LATS2: variants seen among roughly 807,000 people sequenced by gnomAD.
LATS2 encodes the protein serine/threonine-protein kinase LATS2.
LATS2 carries 24 observed loss-of-function variants against 76.0 expected under a neutral mutation model. The observed-to-expected ratio is 0.32, with a 90% CI of 0.23 to 0.44. The LOEUF (loss-of-function observed/expected upper bound fraction) is 0.44. Among genes scored for constraint, LATS2 ranks in the 20% least tolerant of loss-of-function variants. The probability of loss-of-function intolerance (pLI) is 1.00; values close to 1 mark genes in which losing one functional copy is unlikely to be tolerated. For synonymous variants in LATS2, 692 were observed against 635.4 expected (o/e 1.09, Z -1.34); for missense variants, 1,286 against 1,481.2 (o/e 0.87, Z 2.16).
intron 5 of LATS2, among the ~76,000 whole-genome samples, chr13:20,982,583 T>A (rs764657352): frequency 3.9e-5 from 6 of 152,142 alleles, no homozygotes; most frequent in Middle Eastern, 6.8e-3. Context: ...AGTGCTAGGA[T>A]TACAGGCGTG....
chr13:21,027,062 A>G (rs1328343803), intron 2 of LATS2, among the ~76,000 whole-genome samples: 3 of 152,168 alleles, frequency 2.0e-5, no homozygotes, highest in African/African-American at 4.8e-5. Context: ...CCATTTTTAA[A>G]GGTTTGCCTT....
chr13:21,033,282 G>A (rs1207808200), intron 2 of LATS2, among the ~76,000 whole-genome samples: 1 of 152,102 alleles, frequency 6.6e-6, no homozygotes, highest in Non-Finnish European at 1.5e-5. Context: ...ATAGGGGGTA[G>A]AGGGGCGAGA....
rs377274695 is a variant in LATS2, at chr13:21,000,061, A to G, written c.343-8657T>C. Among the ~76,000 whole-genome samples, 19 of 152,070 alleles carry G rather than the reference A, an allele frequency of 1.2e-4. No homozygotes were observed. In the East Asian group the frequency reaches 1.9e-3, roughly 15 times the overall value. On this transcript the variant is annotated intron_variant, in intron 2 of 7. Coordinates refer to ENST00000382592, the MANE Select transcript of LATS2 (RefSeq NM_014572.3). The stretch of plus-strand genomic sequence containing the variant: ...ATAAAATAAAGAGCATTTTACAACT[A>G]TTGTTAGCACCAAAATAAAATAAAA...
chr13:21,019,046 C>T (rs1168493476), intron 2 of LATS2, among the ~76,000 whole-genome samples: 2 of 152,134 alleles, frequency 1.3e-5, no homozygotes, highest in African/African-American at 4.8e-5. Flanking sequence ...ACGTGGGAAC[C>T]AGACATCCTA....
Position 20,998,965 on chromosome 13 carries a change from C to A in LATS2, c.343-7561G>T, listed in dbSNP as rs1325874574. Among the ~76,000 whole-genome samples, 3 of 151,010 alleles carry A rather than the reference C, an allele frequency of 2.0e-5. No individual in the cohort carries two copies. The East Asian group carries it at 5.9e-4, about 29-fold the overall frequency. On this transcript the variant is annotated intron_variant, in intron 2 of 7. Coordinates refer to ENST00000382592, the MANE Select transcript of LATS2 (RefSeq NM_014572.3). The stretch of plus-strand genomic sequence containing the variant: ...CACACGGCGCAAGGGCCCTGGTGAC[C>A]TTTTCCACGACCTTGTCCACGCAGG...
intron 2 of LATS2, among the ~76,000 whole-genome samples, chr13:21,009,654 C>T (rs1344985226): frequency 6.6e-6 from 1 of 152,196 alleles, no homozygotes; most frequent in Non-Finnish European, 1.5e-5. Context: ...ATAACAATCA[C>T]AGCATAAGAA....
At chr13:21,040,662 G>C (rs1379802603) in intron 2 of LATS2, among the ~76,000 whole-genome samples, 1 of 152,118 alleles carries the variant, frequency 6.6e-6, no homozygotes, top group Non-Finnish European at 1.5e-5. Context: ...GGGAGCATGT[G>C]GGGAGGATAA....
In LATS2 at chr13:21,036,774, A is replaced by AAACAAC. The variant is rs147758795; in HGVS notation, c.342+8905_342+8910dup. On this transcript the variant is annotated intron_variant, in intron 2 of 7. Transcript: ENST00000382592. ...GGCGACAGAGCAAAACTCCGTCTCA[A>AAACAAC]AACAACAACAACAACAACAAAAAAC... is the stretch of plus-strand genomic sequence containing the variant. Among the ~76,000 whole-genome samples the AAACAAC allele has an allele frequency of 4.6e-5, 7 of 151,476 alleles. No individual in the cohort carries two copies. In the South Asian group the frequency reaches 1.5e-3, roughly 31 times the overall value.
chr13:21,019,668 CAAAAAAAA>C (rs1281059777), intron 2 of LATS2, among the ~76,000 whole-genome samples: 1 of 86,598 alleles, frequency 1.2e-5, no homozygotes, highest in African/African-American at 4.4e-5. Flanking sequence ...TTTAATCTCT[CAAAAAAAA>C]AAAAAAAAAA....
chr13:20,974,853 G>C lies in LATS2; in HGVS notation c.*17C>G. ...TGACCTGGGAGGCAGCGAGTGGTGG[G>C]GGTGCCTGGCCCCCATCTACACGTA... On this transcript the variant is annotated 3_prime_UTR_variant, in exon 8 of 8. Transcript: ENST00000382592. 1.9e-6 allele frequency: 3 copies of C among 1,587,370 alleles called. No homozygotes were observed. Among genetic ancestry groups the C allele is most frequent in the Non-Finnish European group, 2.6e-6 (3 of 1,165,952 alleles).
intron 7 of LATS2, among the ~76,000 whole-genome samples, chr13:20,978,962 A>G (rs1869749805): frequency 1.3e-5 from 2 of 152,216 alleles, no homozygotes; most frequent in South Asian, 4.1e-4. Context: ...GGGTTTCGCC[A>G]TGTTGCCCAG....
At chr13:21,012,250 C>A (rs1318832531) in intron 2 of LATS2, among the ~76,000 whole-genome samples, 2 of 151,876 alleles carry the variant, frequency 1.3e-5, no homozygotes, top group African/African-American at 2.4e-5. Context: ...ATGAATGGAG[C>A]CTGTAGGGAC....
chr13:21,007,750 ATATATATATAT>A (rs1871407395), intron 2 of LATS2, among the ~76,000 whole-genome samples: 1 of 6,174 alleles, frequency 1.6e-4, no homozygotes, highest in African/African-American at 5.7e-4. Context: ...ATATATATAT[ATATATATATAT>A]TTTTTTTTTT....
chr13:21,001,824 A>G (rs930319613), intron 2 of LATS2, among the ~76,000 whole-genome samples: 1 of 151,650 alleles, frequency 6.6e-6, no homozygotes, highest in African/African-American at 2.4e-5. Flanking sequence ...GGTTGCGGTG[A>G]GCCGAGACAG....
At chr13:21,029,797 GAA>G (rs576838167) in intron 2 of LATS2, among the ~76,000 whole-genome samples, 1 of 149,928 alleles carries the variant, frequency 6.7e-6, no homozygotes, top group Non-Finnish European at 1.5e-5. Context: ...TCTCAAAAAA[GAA>G]AAAAAAAGAT....
intron 7 of LATS2, among the ~76,000 whole-genome samples, chr13:20,975,566 G>A (rs1171289892): frequency 6.6e-6 from 1 of 152,238 alleles, no homozygotes; most frequent in African/African-American, 2.4e-5. Context: ...CTGAGGCCAG[G>A]ATGACCAGTC....
rs1421749934 is a variant in LATS2 at position 20,979,700 on chromosome 13, G to T, written c.2763C>A (p.Thr921=). 1 of 1,599,882 alleles carries T rather than the reference G, an allele frequency of 6.3e-7. No individual in the cohort carries two copies. Among genetic ancestry groups the T allele is most frequent in the Non-Finnish European group, 8.6e-7 (1 of 1,167,484 alleles). The part of the protein sequence containing the change: ...PPFLAPTPTE[T]QLKVINWENT... ...GTTCCTCTCACATTACCTTCAGCTG[G>T]GTTTCTGTGGGAGTAGGTGCCAAAA... Residue 921 remains threonine, a synonymous_variant, in exon 7 of 8, where the codon ACC becomes ACA. Coordinates refer to ENST00000382592, the MANE Select transcript of LATS2 (RefSeq NM_014572.3).
chr13:20,981,380 C>A, intron 6 of LATS2, 86 bp downstream of exon 6: 2 of 1,271,402 alleles, frequency 1.6e-6, no homozygotes, highest in African/African-American at 1.5e-5. Context: ...AGCATTAGGT[C>A]CTTGGAAAGC....
In LATS2 at chr13:20,975,267, T is replaced by C. The variant is rs758967547; in HGVS notation, c.2870A>G (p.His957Arg). ...ATCGGCCCCATTCCGCCCCAGGCGG[T>C]GGTCTGCGGAGCAGCACAGCTTGGT... The part of the protein sequence containing the change: ...LITKLCCSAD[H>R]RLGRNGADDL... Residue 957 changes from histidine (H) to arginine (R), a missense_variant, in exon 8 of 8, where the codon CAC (histidine) becomes CGC (arginine). Physicochemically the swap from His to Arg is conservative, Grantham distance 29 (BLOSUM62 0). This residue lies in a region of LATS2 where 210 missense variants were observed against 234.9 expected (regional missense o/e 0.89). Transcript: ENST00000382592. The C allele has an allele frequency of 6.2e-7, 1 of 1,614,116 alleles. No homozygotes were observed. Among genetic ancestry groups the C allele is most frequent in the Non-Finnish European group, 8.5e-7 (1 of 1,180,000 alleles).
Sources: allele counts gnomAD v4.1 joint callset (sites outside exome capture counted in the v4.1 genomes callset), GRCh38; gene constraint gnomAD v4.1.1; regional missense constraint gnomAD v4.1.1; transcripts MANE v1.5; gene names NCBI Gene and HGNC (gene_info 2026-07-23, HGNC 2026-07-21).